The following SCN3A variants were observed in gnomAD, a reference collection of about 807,000 sequenced individuals.
SCN3A encodes sodium voltage-gated channel alpha subunit 3.
In SCN3A, 60 loss-of-function variants were observed where a neutral mutation model predicts 187.6. The ratio of observed to expected loss-of-function variants is 0.32; its 90% CI spans 0.26 to 0.40. The LOEUF is 0.40. Among genes scored for constraint, SCN3A ranks in the 10% least tolerant of loss-of-function variants. The pLI, the probability that SCN3A is intolerant of heterozygous loss-of-function variation, is 1.00. For missense variants in SCN3A, 1,601 were observed against 2,428.2 expected (o/e 0.66, Z 7.16); for synonymous variants, 788 against 829.2 (o/e 0.95, Z 0.85).
At chr2:165,102,121 AC>A (rs1289054202) in intron 21 of SCN3A, among the ~76,000 whole-genome samples, 1 of 152,172 alleles carries the variant, frequency 6.6e-6, no homozygotes, top group East Asian at 1.9e-4. Flanking sequence ...ATTTTTCTCA[AC>A]CTCCCAACAA....
chr2:165,158,420 T>A lies in SCN3A; in HGVS notation c.1032-2517A>T, dbSNP rs1025205188. 5.1e-5 allele frequency among the ~76,000 whole-genome samples: 7 copies of A among 137,432 alleles called. 2 individuals carry two copies. Among genetic ancestry groups the A allele is most frequent in the African/African-American group, 8.9e-5 (3 of 33,854 alleles). 90.2% of individuals were successfully genotyped at this position (137,432 alleles called of 152,430 possible). On this transcript the variant is annotated intron_variant, in intron 9 of 27. Coordinates refer to ENST00000283254, the MANE Select transcript of SCN3A (RefSeq NM_006922.4). ...CAAACCTCACAAAAGATTTTTTTTT[T>A]AATTTGTATATATTAAGATTCACTC...
chr2:165,113,864 C>A lies in SCN3A; in HGVS notation c.3621G>T (p.Trp1207Cys), dbSNP rs765952963. 1.5e-5 allele frequency: 24 copies of A among 1,613,994 alleles called. No homozygotes were observed. The highest frequency in any genetic ancestry group is 2.0e-5 in the Non-Finnish European group (24 of 1,179,902). ...TCATGAACACAATGAAAGTCTCAAA[C>A]CAGTTGTGCTCAACAATACTGTAGC... ...KTCYSIVEHNWFETFIVFMIL... is the reference protein window; with the variant it reads ...KTCYSIVEHNCFETFIVFMIL... Residue 1207 changes from tryptophan (W) to cysteine (C), a missense_variant, in exon 20 of 28, where the codon TGG becomes TGT. Around this residue, in one of 11 missense-constraint regions of SCN3A, gnomAD observed 267 missense variants for 313.2 expected, o/e 0.85. Transcript: ENST00000283254.
In SCN3A at chr2:165,138,051, C is replaced by A; in HGVS notation, c.2219G>T (p.Trp740Leu). The A allele has an allele frequency of 6.2e-7, 1 of 1,613,552 alleles. No individual in the cohort carries two copies. Among genetic ancestry groups the A allele is most frequent in the East Asian group, 2.2e-5 (1 of 44,836 alleles). Residue 740 changes from tryptophan to leucine, a missense_variant, in exon 15 of 28, where the codon TGG (tryptophan) becomes TTG (leucine). By Grantham distance (61) the Trp-to-Leu change is moderately conservative. Coordinates refer to ENST00000283254, the MANE Select transcript of SCN3A (RefSeq NM_006922.4). ...TTTTAACCATGCATCACAGCAGTCCCAGATCAAGAACACATTGGCAAATCT... is the reference window on the plus strand; with the variant it reads ...TTTTAACCATGCATCACAGCAGTCCAAGATCAAGAACACATTGGCAAATCT... ...WYRFANVFLI[W>L]DCCDAWLKVK...
chr2:165,130,185 C>G lies in SCN3A; in HGVS notation c.2677G>C (p.Val893Leu). 6.2e-7 allele frequency: 1 copy of G among 1,614,134 alleles called. No homozygotes were observed. The highest frequency in any genetic ancestry group is 8.5e-7 in the Non-Finnish European group (1 of 1,180,010). ...GNLTLVLAIIVFIFAVVGMQL... is the reference protein window; with the variant it reads ...GNLTLVLAIILFIFAVVGMQL... ...ATGCCGACCACAGCAAAAATGAAGA[C>G]GATGATGGCCAACACCAAGGTGAGG... is the stretch of plus-strand genomic sequence containing the variant. Residue 893 changes from valine (V) to leucine (L), a missense_variant, in exon 17 of 28, where the codon GTC becomes CTC. Physicochemically the swap from Val to Leu is conservative, Grantham distance 32. Transcript: ENST00000283254.
At chr2:165,126,098 A>G (rs1385537165) in intron 18 of SCN3A, among the ~76,000 whole-genome samples, 2 of 152,182 alleles carry the variant, frequency 1.3e-5, no homozygotes, top group Non-Finnish European at 2.9e-5. Flanking sequence ...TGATACACTT[A>G]TTTAAAAAAA....
intron 6 of SCN3A, 65 bp from the exon 7 acceptor site, chr2:165,163,774 C>T (rs374222758): frequency 6.2e-7 from 1 of 1,612,716 alleles, no homozygotes; most frequent in South Asian, 1.1e-5. Context: ...TATAAGGGGC[C>T]TACTACCTTA....
intron 2 of SCN3A, 95 bp from the exon 3 acceptor site, chr2:165,176,539 G>T: frequency 1.1e-6 from 1 of 918,564 alleles, no homozygotes; most frequent in Non-Finnish European, 1.7e-6. Flanking sequence ...ACTTTTTAAA[G>T]CTATAAACAT....
chr2:165,192,104 T>G (rs910142048), intron 1 of SCN3A, among the ~76,000 whole-genome samples: 3 of 152,092 alleles, frequency 2.0e-5, no homozygotes, highest in Non-Finnish European at 4.4e-5. Flanking sequence ...GATATTAAGA[T>G]GATAAAACAT....
At chr2:165,160,461 C>T (rs927970156) in intron 9 of SCN3A, among the ~76,000 whole-genome samples, 1 of 151,946 alleles carries the variant, frequency 6.6e-6, no homozygotes, top group Non-Finnish European at 1.5e-5. Flanking sequence ...TTACTTAAGC[C>T]ATAATAGGAA....
chr2:165,135,703 G>A (rs1687624990), intron 15 of SCN3A, among the ~76,000 whole-genome samples: 1 of 152,078 alleles, frequency 6.6e-6, no homozygotes, highest in African/African-American at 2.4e-5. Context: ...TCTATGGGTA[G>A]ATATTCTATG....
chr2:165,116,243 G>A (rs774212257), intron 18 of SCN3A, among the ~76,000 whole-genome samples: 4 of 152,034 alleles, frequency 2.6e-5, no homozygotes, highest in Non-Finnish European at 4.4e-5. Flanking sequence ...TAAATGAAAT[G>A]GAAATTTCCT....
intron 21 of SCN3A, among the ~76,000 whole-genome samples, chr2:165,106,416 A>C (rs1685862737): frequency 6.6e-6 from 1 of 152,216 alleles, no homozygotes. Context: ...AAAAATTTTA[A>C]AGTGCAATTT....
intron 3 of SCN3A, among the ~76,000 whole-genome samples, chr2:165,171,151 G>A (rs1421725165): frequency 6.6e-6 from 1 of 151,980 alleles, no homozygotes; most frequent in East Asian, 1.9e-4. Flanking sequence ...TCTATGATCT[G>A]AAAGCTACAA....
intron 1 of SCN3A, among the ~76,000 whole-genome samples, 179 bp from the exon 2 acceptor site, chr2:165,186,926 G>A (rs577065830): frequency 3.5e-4 from 54 of 152,196 alleles, no homozygotes; most frequent in African/African-American, 1.3e-3. Context: ...GCATGATTTA[G>A]GAAGAATGGG....
At chr2:165,145,897 T>C (rs922844807) in intron 12 of SCN3A, among the ~76,000 whole-genome samples, 47 of 152,152 alleles carry the variant, frequency 3.1e-4, no homozygotes, top group African/African-American at 1.1e-3. Flanking sequence ...ATTGTACTTA[T>C]CACAGATTTT....
intron 11 of SCN3A, among the ~76,000 whole-genome samples, chr2:165,147,296 T>A (rs113587239): frequency 1.2e-4 from 10 of 81,412 alleles, no homozygotes; most frequent in Middle Eastern, 8.1e-3. Context: ...GGGGGGGGGG[T>A]TGGTGACAAC....
Position 165,164,381 on chromosome 2 carries a change from A to C in SCN3A, c.602+11T>G. 4 of 1,613,628 alleles carry C rather than the reference A, an allele frequency of 2.5e-6. No individual in the cohort carries two copies. The highest frequency in any genetic ancestry group is 3.4e-6 in the Non-Finnish European group (4 of 1,179,704). On this transcript the variant is annotated intron_variant, in intron 6 of 27. Coordinates refer to ENST00000283254, the MANE Select transcript of SCN3A (RefSeq NM_006922.4). ...CTCCTTTGCGCTTATCAAATTTTCA[A>C]AGTTACTCACGCCATCACAATGACA...
At chr2:165,095,406 T>C in intron 25 of SCN3A, 105 bp downstream of exon 25, 4 of 1,206,510 alleles carry the variant, frequency 3.3e-6, no homozygotes, top group Non-Finnish European at 4.8e-6. Flanking sequence ...GAAAATAATA[T>C]AAACATGATT....
intron 21 of SCN3A, among the ~76,000 whole-genome samples, chr2:165,105,772 G>C (rs2105681672): frequency 6.6e-6 from 1 of 152,210 alleles, no homozygotes; most frequent in South Asian, 2.1e-4. Flanking sequence ...ACTGAAGCAG[G>C]AGGGTTGCTT....
Sources: gnomAD v4.1 joint callset for allele counts (sites outside exome capture counted in the v4.1 genomes callset) on GRCh38, gnomAD v4.1.1 for gene constraint, gnomAD v4.1.1 regional missense constraint, MANE v1.5 for transcripts, NCBI Gene and HGNC (gene_info 2026-07-23, HGNC 2026-07-21) for gene names.